The following CHN2 variants were observed in gnomAD, a reference collection of about 807,000 sequenced individuals.
The protein encoded by CHN2 is chimerin 2.
In CHN2, 35 loss-of-function variants were observed where a neutral mutation model predicts 56.3. The ratio of observed to expected loss-of-function variants is 0.62; its 90% CI spans 0.47 to 0.82. The LOEUF (loss-of-function observed/expected upper bound fraction) is 0.82. Ranked by LOEUF, CHN2 falls within the 40% of genes least tolerant of loss-of-function variation. The pLI, the probability that CHN2 is intolerant of heterozygous loss-of-function variation, is 0.00. For synonymous variants in CHN2, 210 were observed against 212.8 expected, an observed-to-expected ratio of 0.99 and a Z score of 0.12; for missense variants, 491 against 580.5, an observed-to-expected ratio of 0.85 and a Z score of 1.58.
At chr7:29,512,064 T>C (rs1791509573) in intron 12 of CHN2, among the ~76,000 whole-genome samples, 1 of 152,100 alleles carries the variant, frequency 6.6e-6, no homozygotes, top group African/African-American at 2.4e-5. Context: ...CCTCAATTCA[T>C]GACAGCCCAT....
At chr7:29,403,001 C>T (rs1279881129) in intron 6 of CHN2, among the ~76,000 whole-genome samples, 1 of 152,040 alleles carries the variant, frequency 6.6e-6, no homozygotes, top group African/African-American at 2.4e-5. Context: ...TGCAGGAAGA[C>T]ACCCCAACTC....
chr7:29,309,997 T>C (rs1398180217), intron 1 of CHN2, among the ~76,000 whole-genome samples: 1 of 152,240 alleles, frequency 6.6e-6, no homozygotes, highest in Non-Finnish European at 1.5e-5. Context: ...CACCTTGTTC[T>C]GTCTCTCATG....
intron 6 of CHN2, among the ~76,000 whole-genome samples, chr7:29,434,850 G>C (rs1783107672): frequency 6.6e-6 from 1 of 152,154 alleles, no homozygotes; most frequent in Non-Finnish European, 1.5e-5. Flanking sequence ...CTAGCAATTT[G>C]GAAGGCCAGG....
At chr7:29,365,199 C>A (rs1799056026) in intron 2 of CHN2, among the ~76,000 whole-genome samples, 1 of 152,284 alleles carries the variant, frequency 6.6e-6, no homozygotes, top group Admixed American at 6.5e-5. Flanking sequence ...CAGCCCTGTA[C>A]TTACTGTACT....
At chr7:29,413,396 TAA>T (rs998144837) in intron 6 of CHN2, among the ~76,000 whole-genome samples, 9 of 152,234 alleles carry the variant, frequency 5.9e-5, no homozygotes, top group Admixed American at 1.3e-4. Context: ...TTTAACAGAG[TAA>T]AAGCAGTTAT....
intron 6 of CHN2, among the ~76,000 whole-genome samples, chr7:29,459,845 G>A (rs974597013): frequency 1.2e-4 from 19 of 152,164 alleles, no homozygotes; most frequent in Non-Finnish European, 2.4e-4. Context: ...CTTGTCTATC[G>A]TTACCATTAG....
chr7:29,435,379 A>C (rs1313165482), intron 6 of CHN2, among the ~76,000 whole-genome samples: 1 of 152,180 alleles, frequency 6.6e-6, no homozygotes, highest in Non-Finnish European at 1.5e-5. Context: ...GTCACATGTC[A>C]CTTAATGACA....
At chr7:29,495,687 A>G (rs1789190293) in intron 7 of CHN2, among the ~76,000 whole-genome samples, 1 of 152,212 alleles carries the variant, frequency 6.6e-6, no homozygotes, top group African/African-American at 2.4e-5. Flanking sequence ...GGGTGGTCAC[A>G]GTCTTACTCC....
intron 1 of CHN2, among the ~76,000 whole-genome samples, chr7:29,276,518 A>T (rs560258734): frequency 2.6e-5 from 4 of 152,226 alleles, no homozygotes; most frequent in Non-Finnish European, 5.9e-5. Flanking sequence ...GGTCAGAGAC[A>T]CCTGAATTGG....
At chr7:29,492,798 C>G (rs751675701) in intron 7 of CHN2, among the ~76,000 whole-genome samples, 4 of 152,202 alleles carry the variant, frequency 2.6e-5, no homozygotes, top group Non-Finnish European at 5.9e-5. Flanking sequence ...GCTAAGGTTG[C>G]TAATGACTTC....
intron 2 of CHN2, among the ~76,000 whole-genome samples, chr7:29,148,832 G>C (rs1291182195): frequency 6.6e-6 from 1 of 152,136 alleles, no homozygotes; most frequent in African/African-American, 2.4e-5. Flanking sequence ...TATAAGAGCT[G>C]TAATTGGGGC....
chr7:29,225,974 T>G, intron 1 of CHN2, among the ~76,000 whole-genome samples: 1 of 152,148 alleles, frequency 6.6e-6, no homozygotes, highest in East Asian at 1.9e-4. Flanking sequence ...AGAATTAAAC[T>G]AACACAGAAA....
intron 2 of CHN2, among the ~76,000 whole-genome samples, chr7:29,163,506 A>T (rs115141944): frequency 1.3e-4 from 20 of 152,194 alleles, no homozygotes; most frequent in African/African-American, 4.3e-4. Context: ...GTTAATGGGC[A>T]TATGCATATG....
chr7:29,420,424 G>A (rs1047202888), intron 6 of CHN2, among the ~76,000 whole-genome samples: 1 of 152,158 alleles, frequency 6.6e-6, no homozygotes, highest in African/African-American at 2.4e-5. Flanking sequence ...GACATGCAGT[G>A]GAACATACTT....
chr7:29,260,800 T>C (rs1392331250), intron 1 of CHN2, among the ~76,000 whole-genome samples: 1 of 152,230 alleles, frequency 6.6e-6, no homozygotes, highest in East Asian at 1.9e-4. Flanking sequence ...AGGTGGTGTC[T>C]GTGGTAGTTT....
rs1794970187 is a variant in CHN2 at position 29,160,064 on chromosome 7, A to ATTT, written c.274+13104_274+13105insTTT. 2.6e-5 allele frequency among the ~76,000 whole-genome samples: 4 copies of ATTT among 152,276 alleles called. No individual in the cohort carries two copies. The South Asian group carries it at 8.3e-4, about 32-fold the overall frequency. On this transcript the variant is annotated intron_variant, in intron 2 of 6. Coordinates refer to the CHN2 transcript ENST00000439384. Reference sequence around the variant, plus strand: ...TCTTCATTATTATCTTGCCTCACTAAAAGTTAAACATTGTGTCCTTCTGGC... The same window carrying ATTT: ...TCTTCATTATTATCTTGCCTCACTAATTTAAGTTAAACATTGTGTCCTTCTGGC...
intron 1 of CHN2, among the ~76,000 whole-genome samples, chr7:29,224,857 G>T (rs1470729284): frequency 6.6e-6 from 1 of 152,178 alleles, no homozygotes; most frequent in South Asian, 2.1e-4. Context: ...AGTGCTGTCT[G>T]TATTTTTCTC....
At chr7:29,321,706 G>A (rs1260162188) in intron 1 of CHN2, among the ~76,000 whole-genome samples, 2 of 151,910 alleles carry the variant, frequency 1.3e-5, no homozygotes, top group Non-Finnish European at 2.9e-5. Flanking sequence ...GAGTAGCTGG[G>A]ATTACAGGCA....
intron 1 of CHN2, among the ~76,000 whole-genome samples, chr7:29,202,523 G>A (rs1254878578): frequency 1.3e-5 from 2 of 152,174 alleles, no homozygotes; most frequent in Non-Finnish European, 2.9e-5. Flanking sequence ...TGTCAAGAAA[G>A]AGGTGAATGT....
Sources: gnomAD v4.1 joint callset for allele counts (sites outside exome capture counted in the v4.1 genomes callset) on GRCh38, gnomAD v4.1.1 for gene constraint, MANE v1.5 for transcripts, NCBI Gene and HGNC (gene_info 2026-07-23, HGNC 2026-07-21) for gene names.